CUEDC1: variants seen among roughly 807,000 people sequenced by gnomAD.
The protein encoded by CUEDC1 is CUE domain containing 1.
In CUEDC1, 30 loss-of-function variants were observed where a neutral mutation model predicts 43.7. That is an observed-to-expected ratio of 0.69 (90% CI 0.51 to 0.93). The LOEUF (loss-of-function observed/expected upper bound fraction) is 0.93, where lower values mean the gene tolerates loss of function less well. Among genes scored for constraint, CUEDC1 ranks in the 40% least tolerant of loss-of-function variants. CUEDC1 has a pLI of 0.00. For missense variants in CUEDC1, 486 were observed against 549.0 expected, an observed-to-expected ratio of 0.89 and a Z score of 1.15; for synonymous variants, 223 against 223.6, an observed-to-expected ratio of 1.00 and a Z score of 0.02.
At chr17:57,878,717 A>C (rs1270531649) in intron 3 of CUEDC1, among the ~76,000 whole-genome samples, 1 of 151,988 alleles carries the variant, frequency 6.6e-6, no homozygotes, top group Non-Finnish European at 1.5e-5. Context: ...CCCAGGCTGG[A>C]GTGCAGTGGC....
chr17:57,913,458 CT>C (rs979167407), intron 1 of CUEDC1, among the ~76,000 whole-genome samples: 2 of 152,174 alleles, frequency 1.3e-5, no homozygotes, highest in Admixed American at 1.3e-4. Context: ...CTGTGCCAGC[CT>C]CTGGGGTGCT....
intron 1 of CUEDC1, among the ~76,000 whole-genome samples, chr17:57,897,919 A>G (rs562955774): frequency 8.2e-4 from 125 of 152,328 alleles, no homozygotes; most frequent in East Asian, 6.0e-3. Flanking sequence ...AGGCTGGAGC[A>G]GGAGAATCGC....
At chr17:57,913,328 CAA>C (rs201695353) in intron 1 of CUEDC1, among the ~76,000 whole-genome samples, 10 of 130,178 alleles carry the variant, frequency 7.7e-5, no homozygotes, top group East Asian at 2.2e-4. Context: ...GACTCCATCT[CAA>C]AAAAAAAAAA....
chr17:57,950,617 C>A (rs933565308), intron 1 of CUEDC1, among the ~76,000 whole-genome samples: 1 of 151,974 alleles, frequency 6.6e-6, no homozygotes, highest in South Asian at 2.1e-4. Context: ...AGATTACAGG[C>A]GCCCACCACC....
chr17:57,920,413 T>C (rs1567717885), intron 1 of CUEDC1, among the ~76,000 whole-genome samples: 1 of 152,072 alleles, frequency 6.6e-6, no homozygotes, highest in Non-Finnish European at 1.5e-5. Flanking sequence ...GCTTTCTCCA[T>C]GCACACACAC....
intron 3 of CUEDC1, among the ~76,000 whole-genome samples, chr17:57,875,251 A>G (rs1313438245): frequency 6.6e-6 from 1 of 152,178 alleles, no homozygotes; most frequent in Non-Finnish European, 1.5e-5. Context: ...CATCTGGGAC[A>G]TGGGTGCCCA....
chr17:57,875,762 A>G (rs550078018), intron 3 of CUEDC1, among the ~76,000 whole-genome samples: 1 of 152,146 alleles, frequency 6.6e-6, no homozygotes, highest in East Asian at 1.9e-4. Flanking sequence ...TCTGGACCCC[A>G]AAACTGCAAC....
chr17:57,921,452 G>A (rs73995404), intron 1 of CUEDC1, among the ~76,000 whole-genome samples: 19,145 of 152,146 alleles, frequency 0.13, 1,716 homozygotes, highest in African/African-American at 0.25. Flanking sequence ...GAAGATATAC[G>A]GAGTAACCTG....
At chr17:57,950,477 ATT>A (rs71365851) in intron 1 of CUEDC1, among the ~76,000 whole-genome samples, 5,675 of 127,798 alleles carry the variant, frequency 0.044, 112 homozygotes, top group African/African-American at 0.067. Flanking sequence ...TTATTTATTT[ATT>A]TTTTTTTTTT....
Position 57,873,677 on chromosome 17 carries a change from G to A in CUEDC1, c.505C>T (p.Arg169Cys), listed in dbSNP as rs1310616018. ...LGSGAPTSQR[R>C]YRNWNPPLLG... ...AGTGGTGGGTTCCAGTTCCGATAGC[G>A]TCTCTGGCTTGTAGGGGCTCCAGAG... is the stretch of plus-strand genomic sequence containing the variant. Residue 169 changes from arginine (R) to cysteine (C), a missense_variant, in exon 4 of 11, where the codon CGC (arginine) becomes TGC (cysteine). Coordinates refer to ENST00000577830, the MANE Select transcript of CUEDC1 (RefSeq NM_001271875.2). 4.4e-6 allele frequency: 7 copies of A among 1,602,720 alleles called. No individual in the cohort carries two copies. Among genetic ancestry groups the A allele is most frequent in the South Asian group, 2.2e-5 (2 of 89,214 alleles).
At chr17:57,916,921 G>A (rs2074648196) in intron 1 of CUEDC1, among the ~76,000 whole-genome samples, 1 of 152,172 alleles carries the variant, frequency 6.6e-6, no homozygotes, top group Non-Finnish European at 1.5e-5. Flanking sequence ...TAACTTCCAG[G>A]GGAAAGTTTG....
chr17:57,917,696 G>A, intron 1 of CUEDC1, among the ~76,000 whole-genome samples: 1 of 152,182 alleles, frequency 6.6e-6, no homozygotes, highest in Non-Finnish European at 1.5e-5. Context: ...GGCAAAGCTA[G>A]GATTCAAAAA....
At chr17:57,897,146 G>C (rs1328290192) in intron 1 of CUEDC1, among the ~76,000 whole-genome samples, 1 of 152,122 alleles carries the variant, frequency 6.6e-6, no homozygotes, top group Non-Finnish European at 1.5e-5. Context: ...ACGTCTATGA[G>C]CACTTGGTAG....
In CUEDC1 at chr17:57,872,812, G is replaced by A. The variant is rs2074053902; in HGVS notation, c.635C>T (p.Pro212Leu). 6.2e-7 allele frequency: 1 copy of A among 1,614,012 alleles called. No homozygotes were observed. Among genetic ancestry groups the A allele is most frequent in the Non-Finnish European group, 8.5e-7 (1 of 1,180,018 alleles). Residue 212 changes from proline to leucine, a missense_variant, in exon 5 of 11, where the codon CCA becomes CTA. Transcript: ENST00000577830. ...GGGCCCTGGCCCAGCCATGGCAGGT[G>A]GACATCCCTCTCCACTCCCAGGCTT... is the stretch of plus-strand genomic sequence containing the variant. Reference protein sequence around the residue: ...GPKPGSGEGCPPAMAGPGPGD... With the variant: ...GPKPGSGEGCLPAMAGPGPGD...
rs2073984617 is a variant in CUEDC1, at chr17:57,868,019, G to A, written c.1034+131C>T. On this transcript the variant is annotated intron_variant, in intron 8 of 10. Transcript: ENST00000577830. ...GGCCAAGCTCATGGAGGAGAGGGGA[G>A]GAGGAAGGGAAGGCCACAGAGCCGG... The A allele has an allele frequency of 4.0e-5, 29 of 724,960 alleles. No homozygotes were observed. In the East Asian group the frequency reaches 5.8e-4, roughly 15 times the overall value. 44.9% of individuals were successfully genotyped at this position (724,960 alleles called of 1,614,324 possible).
chr17:57,900,040 C>T (rs1252574299), intron 1 of CUEDC1, among the ~76,000 whole-genome samples: 1 of 152,188 alleles, frequency 6.6e-6, no homozygotes, highest in African/African-American at 2.4e-5. Context: ...AAGTGGCACA[C>T]CCTGGCCAAG....
At chr17:57,944,469 C>G (rs1391369475) in intron 1 of CUEDC1, among the ~76,000 whole-genome samples, 2 of 152,282 alleles carry the variant, frequency 1.3e-5, no homozygotes, top group Non-Finnish European at 2.9e-5. Context: ...CTTGGCCTCC[C>G]AAAGTGCTGG....
intron 1 of CUEDC1, among the ~76,000 whole-genome samples, chr17:57,924,287 G>A (rs1449568143): frequency 2.0e-5 from 3 of 152,126 alleles, no homozygotes; most frequent in Admixed American, 1.3e-4. Context: ...TGTATTTTTA[G>A]TAGAGACAGG....
intron 2 of CUEDC1, among the ~76,000 whole-genome samples, chr17:57,884,024 C>G (rs1042092606): frequency 6.6e-6 from 1 of 152,002 alleles, no homozygotes; most frequent in Non-Finnish European, 1.5e-5. Flanking sequence ...GGTACTGATG[C>G]AGTACGCAGG....
Sources: gnomAD v4.1 joint callset for allele counts (sites outside exome capture counted in the v4.1 genomes callset) on GRCh38, gnomAD v4.1.1 for gene constraint, MANE v1.5 for transcripts, NCBI Gene and HGNC (gene_info 2026-07-23, HGNC 2026-07-21) for gene names.